Variants in MYT1L observed in about 807,000 individuals in gnomAD.
MYT1L encodes the protein myelin transcription factor 1 like.
In MYT1L, 12 loss-of-function variants were observed where a neutral mutation model predicts 126.7. The observed-to-expected ratio is 0.09, with a 90% confidence interval of 0.06 to 0.15. The LOEUF is 0.15. Ranked by LOEUF, MYT1L falls within the 10% of genes least tolerant of loss-of-function variation. The pLI, the probability that MYT1L is intolerant of heterozygous loss-of-function variation, is 1.00. For synonymous variants in MYT1L, 541 were observed against 604.2 expected, an observed-to-expected ratio of 0.90 and a Z score of 1.53; for missense variants, 979 against 1,585.2, an observed-to-expected ratio of 0.62 and a Z score of 6.49.
intron 5 of MYT1L, among the ~76,000 whole-genome samples, chr2:1,985,312 C>T (rs1213438882): frequency 3.3e-5 from 5 of 152,148 alleles, no homozygotes; most frequent in African/African-American, 4.8e-5. Context: ...AAGGAAGGCT[C>T]GGGGAAGGAA....
intron 1 of MYT1L, among the ~76,000 whole-genome samples, chr2:2,316,731 A>C (rs1243121363): frequency 2.0e-5 from 3 of 152,198 alleles, no homozygotes; most frequent in African/African-American, 7.2e-5. Flanking sequence ...CAATAGAGAA[A>C]ATAACTTAAG....
At chr2:2,131,429 G>A (rs1575387026) in intron 3 of MYT1L, among the ~76,000 whole-genome samples, 3 of 152,174 alleles carry the variant, frequency 2.0e-5, no homozygotes, top group East Asian at 3.9e-4. Flanking sequence ...TTTTAAAATT[G>A]CTTTTGCAAT....
At chr2:2,172,354 G>A (rs1236702721) in intron 3 of MYT1L, among the ~76,000 whole-genome samples, 5 of 151,980 alleles carry the variant, frequency 3.3e-5, no homozygotes, top group Admixed American at 2.6e-4. Context: ...TGGCCACCCC[G>A]AGGCATCCTC....
chr2:2,281,510 C>A (rs557487520), intron 2 of MYT1L, among the ~76,000 whole-genome samples: 4 of 152,218 alleles, frequency 2.6e-5, no homozygotes, highest in African/African-American at 9.6e-5. Context: ...TTCTTCCCAA[C>A]TAGCTCATGT....
intron 1 of MYT1L, among the ~76,000 whole-genome samples, chr2:2,318,443 T>C (rs2096106176): frequency 1.3e-5 from 2 of 152,192 alleles, no homozygotes; most frequent in Admixed American, 6.5e-5. Context: ...TGTAAACAGG[T>C]GTGTTAACTT....
At chr2:1,903,003 G>T in intron 14 of MYT1L, 77 bp downstream of exon 14, 1 of 1,354,486 alleles carries the variant, frequency 7.4e-7, no homozygotes, top group Non-Finnish European at 1.1e-6. Flanking sequence ...CAACTAATTT[G>T]TAGGACATTG....
rs150652181 is a variant in MYT1L, at chr2:1,984,744, C to A, written c.1-4967G>T. ...CAGGATGGTCTCAATCTCCTGACTT[C>A]GTGATCCACCTGCCTCAGCCTCCCA... On this transcript the variant is annotated intron_variant, in intron 5 of 24. Transcript: ENST00000647738. Among the ~76,000 whole-genome samples the A allele has an allele frequency of 5.6e-3, 843 of 151,822 alleles. 3 individuals carry two copies. The highest frequency in any genetic ancestry group is 0.012 in the South Asian group (56 of 4,804).
intron 9 of MYT1L, among the ~76,000 whole-genome samples, chr2:1,924,210 AC>A (rs2053931797): frequency 6.6e-6 from 1 of 152,058 alleles, no homozygotes; most frequent in Non-Finnish European, 1.5e-5. Context: ...ATTACATAAA[AC>A]CCCTATGTTT....
At chr2:2,116,711 C>T (rs966753525) in intron 3 of MYT1L, among the ~76,000 whole-genome samples, 8 of 152,246 alleles carry the variant, frequency 5.3e-5, no homozygotes, top group Admixed American at 2.6e-4. Context: ...TTGGAAGATC[C>T]GCCCCCGGGA....
At chr2:2,263,908 G>A (rs1296948748) in intron 2 of MYT1L, among the ~76,000 whole-genome samples, 3 of 152,116 alleles carry the variant, frequency 2.0e-5, no homozygotes, top group African/African-American at 7.2e-5. Context: ...AAAAATTGGG[G>A]TAACAAATCT....
intron 2 of MYT1L, among the ~76,000 whole-genome samples, chr2:2,210,252 A>T (rs1017612628): frequency 6.6e-6 from 1 of 152,126 alleles, no homozygotes; most frequent in Non-Finnish European, 1.5e-5. Context: ...TTAACTTGAT[A>T]TGATCCCATT....
chr2:2,193,513 T>A (rs1410407940), intron 2 of MYT1L, among the ~76,000 whole-genome samples: 1 of 152,162 alleles, frequency 6.6e-6, no homozygotes, highest in South Asian at 2.1e-4. Flanking sequence ...ATGAGGCAAA[T>A]GTGTAGGGTT....
At chr2:2,129,837 C>A (rs1419065332) in intron 3 of MYT1L, among the ~76,000 whole-genome samples, 3 of 149,528 alleles carry the variant, frequency 2.0e-5, no homozygotes, top group Non-Finnish European at 4.4e-5. Flanking sequence ...ACCCGGGAGG[C>A]GGAGCTTGCA....
At position 1,979,335 on chromosome 2, in the gene MYT1L, C is replaced by G; in HGVS notation, c.90-108G>C. On this transcript the variant is annotated intron_variant, in intron 7 of 24. Coordinates refer to ENST00000647738, the MANE Select transcript of MYT1L (RefSeq NM_001303052.2). This position sits in a 1 kb window ranked among gnomAD's most constrained non-coding sequence, Gnocchi z 4.0. ...GGCGGCTCAGACAGAGGAGAGAAAT[C>G]ACACAATCCAAAGGAGGGGGAAATT... 1 of 1,162,808 alleles carries G rather than the reference C, an allele frequency of 8.6e-7. No individual in the cohort carries two copies. The highest frequency in any genetic ancestry group is 1.3e-6 in the Non-Finnish European group (1 of 791,248). The allele number at this position is 1,162,808 out of a possible 1,614,324, so 72.0% of individuals were successfully genotyped here.
chr2:1,887,893 C>T lies in MYT1L; in HGVS notation c.2521-284G>A, dbSNP rs2048353822. On this transcript the variant is annotated intron_variant, in intron 16 of 24. Coordinates refer to ENST00000647738, the MANE Select transcript of MYT1L (RefSeq NM_001303052.2). This position sits in a 1 kb window ranked among gnomAD's most constrained non-coding sequence, Gnocchi z 4.8. ...ATGGACACACACACGGTCTGGTAGC[C>T]AGAGACTACATTTAACTTGGTCTTC... is the stretch of plus-strand genomic sequence containing the variant. 6.6e-6 allele frequency among the ~76,000 whole-genome samples: 1 copy of T among 152,154 alleles called. No individual in the cohort carries two copies. The highest frequency in any genetic ancestry group is 2.4e-5 in the African/African-American group (1 of 41,430).
At chr2:2,122,849 G>GTC (rs1463991674) in intron 3 of MYT1L, among the ~76,000 whole-genome samples, 15 of 145,282 alleles carry the variant, frequency 1.0e-4, no homozygotes, top group Admixed American at 2.0e-4. Flanking sequence ...GTGTGTGTGT[G>GTC]TGTGTGTGTG....
intron 21 of MYT1L, among the ~76,000 whole-genome samples, chr2:1,822,552 G>C (rs10204304): frequency 0.01 from 1,530 of 152,334 alleles, 24 homozygotes; most frequent in African/African-American, 0.035. Context: ...CTGGCCCTGG[G>C]ACCACATGGA....
chr2:1,802,125 C>T lies in MYT1L; in HGVS notation c.3173-326G>A, dbSNP rs17039087. Among the ~76,000 whole-genome samples, 769 of 152,180 alleles carry T rather than the reference C, an allele frequency of 5.1e-3. 8 individuals are homozygous for T. The highest frequency in any genetic ancestry group is 0.018 in the African/African-American group (739 of 41,512). ...GCAGAAACCACCTGGTCCTGAGTGC[C>T]GATTTGCTGAGCCTGGCCTGTTTTC... On this transcript the variant is annotated intron_variant, in intron 22 of 24. Transcript: ENST00000647738.
intron 8 of MYT1L, among the ~76,000 whole-genome samples, chr2:1,965,707 T>C (rs987166829): frequency 6.6e-6 from 1 of 152,200 alleles, no homozygotes; most frequent in Non-Finnish European, 1.5e-5. Flanking sequence ...CCCGCCATCA[T>C]CCTGACCTTA....
Sources: gnomAD v4.1 joint callset for allele counts (sites outside exome capture counted in the v4.1 genomes callset) on GRCh38, gnomAD v4.1.1 for gene constraint, Gnocchi (gnomAD v3.1) non-coding constraint, MANE v1.5 for transcripts, NCBI Gene and HGNC (gene_info 2026-07-23, HGNC 2026-07-21) for gene names.